The following ABLIM1 variants were observed in gnomAD, a reference collection of about 807,000 sequenced individuals.
ABLIM1 encodes actin-binding LIM protein 1.
Under a neutral mutation model 107.0 loss-of-function variants are expected in ABLIM1, and 40 were observed. That is an observed-to-expected ratio of 0.37 (90% CI 0.29 to 0.49). ABLIM1 has a LOEUF of 0.49. Among genes scored for constraint, ABLIM1 ranks in the 20% least tolerant of loss-of-function variants. The probability of loss-of-function intolerance (pLI) is 0.97; values close to 1 mark genes in which losing one functional copy is unlikely to be tolerated. For missense variants in ABLIM1, 857 were observed against 1,008.5 expected (o/e 0.85, Z 2.04); for synonymous variants, 357 against 357.3 (o/e 1.00, Z 0.01).
chr10:114,457,726 C>T (rs1292462843), intron 12 of ABLIM1, among the ~76,000 whole-genome samples: 1 of 152,190 alleles, frequency 6.6e-6, no homozygotes, highest in Non-Finnish European at 1.5e-5. Context: ...TCATTATTTT[C>T]ATCATCATCG....
upstream of ABLIM1, among the ~76,000 whole-genome samples, chr10:114,686,190 C>A (rs569629330): frequency 6.6e-6 from 1 of 152,090 alleles, no homozygotes; most frequent in African/African-American, 2.4e-5. Context: ...TTAGTTGAAC[C>A]ACAATTTGGT....
At chr10:114,518,577 A>G (rs1157275933) in intron 6 of ABLIM1, among the ~76,000 whole-genome samples, 1 of 152,036 alleles carries the variant, frequency 6.6e-6, no homozygotes, top group African/African-American at 2.4e-5. Context: ...TTGGCAGCCC[A>G]TAGGTGAAAC....
intron 2 of ABLIM1, among the ~76,000 whole-genome samples, chr10:114,588,088 CAG>C (rs1443997333): frequency 6.6e-6 from 1 of 152,160 alleles, no homozygotes; most frequent in Non-Finnish European, 1.5e-5. Flanking sequence ...CCTGAGCACT[CAG>C]AATTTATGCT....
intron 12 of ABLIM1, chr10:114,462,925 G>A: frequency 9.0e-7 from 1 of 1,110,616 alleles, no homozygotes; most frequent in Non-Finnish European, 1.2e-6. Context: ...GACACACGCA[G>A]GCATGCTGAG....
chr10:114,568,968 C>T (rs1217960016), intron 4 of ABLIM1, among the ~76,000 whole-genome samples: 1 of 152,236 alleles, frequency 6.6e-6, no homozygotes, highest in South Asian at 2.1e-4. Context: ...GACTAGGAAA[C>T]ATGTTCCCAA....
the ABLIM1 span, chr10:114,779,379 C>T: frequency 6.6e-6 from 1 of 152,174 alleles, no homozygotes; most frequent in African/African-American, 2.4e-5. Flanking sequence ...AGGCAGTTAG[C>T]CATTATGCTA....
intron 1 of ABLIM1, among the ~76,000 whole-genome samples, chr10:114,665,518 GA>G (rs1244694556): frequency 6.6e-6 from 1 of 152,184 alleles, no homozygotes; most frequent in East Asian, 1.9e-4. Context: ...CTCTTAGAAA[GA>G]AAAACCTATC....
intron 8 of ABLIM1, chr10:114,485,393 A>T (rs763802010): frequency 1.2e-6 from 2 of 1,607,100 alleles, no homozygotes; most frequent in Non-Finnish European, 1.7e-6. Flanking sequence ...GCCATGAAAC[A>T]TGAGAAAAGG....
Position 114,707,306 on chromosome 10 carries a change from C to T in ABLIM1, c.-213+60755G>A, listed in dbSNP as rs142235771. On this transcript the variant is annotated intron_variant, in intron 1 of 15. Coordinates refer to the ABLIM1 transcript ENST00000651092. This position sits in a 1 kb window ranked among gnomAD's most constrained non-coding sequence, Gnocchi z 4.1. ...GGAGTGCAGTGGTGCAGTCTCAGCT[C>T]ACTGCAATCTCTGCCTCCCAGGTTC... Among the ~76,000 whole-genome samples, 524 of 152,252 alleles carry T rather than the reference C, an allele frequency of 3.4e-3. 2 individuals are homozygous for T. Among genetic ancestry groups the T allele is most frequent in the African/African-American group, 0.012 (498 of 41,550 alleles).
chr10:114,717,991 AAAGGAAGG>A (rs3061776), intron 1 of ABLIM1, among the ~76,000 whole-genome samples: 1,194 of 86,772 alleles, frequency 0.014, 24 homozygotes, highest in African/African-American at 0.033. Flanking sequence ...AGAAAGAAAG[AAAGGAAGG>A]AAGGAAGGAA....
At chr10:114,735,584 C>A (rs1464511910) in intron 1 of ABLIM1, among the ~76,000 whole-genome samples, 1 of 152,206 alleles carries the variant, frequency 6.6e-6, no homozygotes, top group Non-Finnish European at 1.5e-5. Context: ...ATTCTCCTGC[C>A]TCAGTCTCCT....
chr10:114,728,592 C>CAAAAAAAAAAAAAA (rs11405856), intron 1 of ABLIM1, among the ~76,000 whole-genome samples: 1 of 125,434 alleles, frequency 8.0e-6, no homozygotes, highest in African/African-American at 3.0e-5. Context: ...AATGGAGAGC[C>CAAAAAAAAAAAAAA]AAAAAAAAAA....
chr10:114,561,547 C>T (rs547484002), intron 4 of ABLIM1, among the ~76,000 whole-genome samples: 4 of 152,328 alleles, frequency 2.6e-5, no homozygotes, highest in African/African-American at 9.6e-5. Context: ...TCTCTCCCTT[C>T]CTAGAGGCAA....
At chr10:114,472,636 T>C (rs1009600273) in intron 10 of ABLIM1, among the ~76,000 whole-genome samples, 4 of 152,082 alleles carry the variant, frequency 2.6e-5, no homozygotes, top group Non-Finnish European at 5.9e-5. Context: ...TGAATATACT[T>C]AAAGCTTATC....
intron 1 of ABLIM1, among the ~76,000 whole-genome samples, chr10:114,664,487 C>T (rs1378035320): frequency 6.6e-6 from 1 of 152,050 alleles, no homozygotes; most frequent in Non-Finnish European, 1.5e-5. Flanking sequence ...TTAATGATCT[C>T]TTTTAATTTT....
intron 1 of ABLIM1, 56 bp from the exon 2 acceptor site, chr10:114,602,017 G>A (rs1171342039): frequency 6.2e-7 from 1 of 1,603,220 alleles, no homozygotes; most frequent in East Asian, 2.2e-5. Context: ...TGCAAAAGGG[G>A]TCATCATGGT....
rs538813528 is a variant in ABLIM1 at position 114,493,531 on chromosome 10, T to C, written c.895-1653A>G. On this transcript the variant is annotated intron_variant, in intron 6 of 22. Transcript: ENST00000533213. ...ATATCATTCTACATCATTTTCCTCCTGGCCAATGTGATGTCAAGAAAAATA... is the reference window on the plus strand; with the variant it reads ...ATATCATTCTACATCATTTTCCTCCCGGCCAATGTGATGTCAAGAAAAATA... Among the ~76,000 whole-genome samples, 14 of 152,320 alleles carry C rather than the reference T, an allele frequency of 9.2e-5. 1 individual carries two copies. In the South Asian group the frequency reaches 2.3e-3, roughly 25 times the overall value.
In ABLIM1 at chr10:114,657,993, G is replaced by C; in HGVS notation, c.208C>G (p.Pro70Ala). 1 of 1,614,026 alleles carries C rather than the reference G, an allele frequency of 6.2e-7. No individual in the cohort carries two copies. The highest frequency in any genetic ancestry group is 8.5e-7 in the Non-Finnish European group (1 of 1,179,928). ...LLYLCPKDYC[P>A]RGRVCNSVDP... is the part of the protein sequence containing the mutation. ...ACGCTGTTACATACACGCCCACGTG[G>C]GCAGTAGTCCTTGGGACAGAGATAC... Residue 70 changes from proline to alanine, a missense_variant, in exon 1 of 23, where the codon CCA becomes GCA. Coordinates refer to ENST00000533213, the MANE Select transcript of ABLIM1 (RefSeq NM_002313.7).
chr10:114,493,231 T>C (rs955489311), intron 6 of ABLIM1, among the ~76,000 whole-genome samples: 2 of 152,166 alleles, frequency 1.3e-5, no homozygotes, highest in African/African-American at 4.8e-5. Flanking sequence ...AGTGCTCAGT[T>C]CTAAACCAGG....
Sources: gnomAD v4.1 joint callset for allele counts (sites outside exome capture counted in the v4.1 genomes callset) on GRCh38, gnomAD v4.1.1 for gene constraint, Gnocchi (gnomAD v3.1) non-coding constraint, MANE v1.5 for transcripts, NCBI Gene and HGNC (gene_info 2026-07-23, HGNC 2026-07-21) for gene names.